AHRR: variants seen among roughly 807,000 people sequenced by gnomAD.
AHRR encodes aryl hydrocarbon receptor repressor.
Under a neutral mutation model 44.0 loss-of-function variants are expected in AHRR, and 28 were observed. The observed-to-expected ratio is 0.64, with a 90% CI of 0.47 to 0.87. The LOEUF (loss-of-function observed/expected upper bound fraction) is 0.87. AHRR is among the 40% of genes least tolerant of loss of function. AHRR has a pLI of 0.00. For synonymous variants in AHRR, 434 were observed against 407.0 expected (o/e 1.07, Z -0.80); for missense variants, 990 against 953.9 (o/e 1.04, Z -0.50).
rs1735479326 is a variant in AHRR, at chr5:411,885, T to C, written c.352-1459T>C. On this transcript the variant is annotated intron_variant, in intron 4 of 10. Transcript: ENST00000684583. The surrounding 1 kb of genome is among the most constrained non-coding windows in gnomAD (Gnocchi z 4.2). ...CCCCTCACCCCCAGCTTCTACCTCGTGTGGGATGTGAGACTGGGCGAGATA... is the reference window on the plus strand; with the variant it reads ...CCCCTCACCCCCAGCTTCTACCTCGCGTGGGATGTGAGACTGGGCGAGATA... 6.6e-6 allele frequency among the ~76,000 whole-genome samples: 1 copy of C among 152,192 alleles called. No individual in the cohort carries two copies. The highest frequency in any genetic ancestry group is 1.5e-5 in the Non-Finnish European group (1 of 68,036).
intron 3 of AHRR, among the ~76,000 whole-genome samples, chr5:368,877 A>C (rs1332302256): frequency 6.6e-6 from 1 of 152,224 alleles, no homozygotes; most frequent in African/African-American, 2.4e-5. Flanking sequence ...GGAAGTGTGA[A>C]ATCTCTGAAG....
intron 4 of AHRR, among the ~76,000 whole-genome samples, chr5:399,689 G>T (rs979861569): frequency 5.9e-5 from 9 of 152,202 alleles, no homozygotes; most frequent in African/African-American, 2.2e-4. Flanking sequence ...AGCACTGGCT[G>T]GTCTCTCAGC....
rs1742189269 is a variant in AHRR at position 337,661 on chromosome 5, G to A, written c.-10-6232G>A. On this transcript the variant is annotated intron_variant, in intron 1 of 10. Transcript: ENST00000684583. The surrounding 1 kb of genome is among the most constrained non-coding windows in gnomAD (Gnocchi z 4.1). Reference sequence around the variant, plus strand: ...ATGTTAGGAAGTCTAGATAGCAACAGTGATGCAGCTATGGAGGGGAGAGGA... The same window carrying A: ...ATGTTAGGAAGTCTAGATAGCAACAATGATGCAGCTATGGAGGGGAGAGGA... Among the ~76,000 whole-genome samples the A allele has an allele frequency of 6.6e-6, 1 of 152,226 alleles. No individual in the cohort carries two copies. The highest frequency in any genetic ancestry group is 6.5e-5 in the Admixed American group (1 of 15,292).
chr5:376,464 G>T (rs1733646278), intron 3 of AHRR, 146 bp from the exon 4 acceptor site: 1 of 14,356 alleles, frequency 7.0e-5, no homozygotes, highest in Non-Finnish European at 6.4e-4. Context: ...ATGCTGCGTG[G>T]CCTGCAGAGG....
chr5:370,753 G>C lies in AHRR; in HGVS notation c.245-5857G>C, dbSNP rs349575. 6.0e-5 allele frequency among the ~76,000 whole-genome samples: 9 copies of C among 150,944 alleles called. No homozygotes were observed. The East Asian group carries it at 1.8e-3, about 30-fold the overall frequency. ...GGTGGAGGGGGGCAGCCCATGGGAA[G>C]GTGCAGGTGTTGGTGGGGGGAGGGG... On this transcript the variant is annotated intron_variant, in intron 3 of 10. Coordinates refer to ENST00000684583, the MANE Select transcript of AHRR (RefSeq NM_001377236.1). This position sits in a 1 kb window ranked among gnomAD's most constrained non-coding sequence, Gnocchi z 4.5.
At chr5:341,505 C>G (rs1203405233) in intron 1 of AHRR, among the ~76,000 whole-genome samples, 5 of 147,254 alleles carry the variant, frequency 3.4e-5, no homozygotes, top group African/African-American at 1.3e-4. Flanking sequence ...CTCCCCTCCC[C>G]TCCTTTCCTT....
intron 7 of AHRR, among the ~76,000 whole-genome samples, chr5:424,861 G>A (rs978006653): frequency 3.9e-5 from 6 of 152,142 alleles, no homozygotes; most frequent in African/African-American, 1.2e-4. Flanking sequence ...CCTCCCCATC[G>A]GACATGTCAG....
rs1173858303 is a variant in AHRR, at chr5:397,124, GT to G, written c.352-16218del. On this transcript the variant is annotated intron_variant, in intron 4 of 10. Coordinates refer to ENST00000684583, the MANE Select transcript of AHRR (RefSeq NM_001377236.1). ...ATCCACGTAGCCCCTGACCATCCAT[GT>G]TAGCCCCTGACCATCCATGTTAGCC... Among the ~76,000 whole-genome samples, 9 of 85,750 alleles carry G rather than the reference GT, an allele frequency of 1.0e-4. 1 individual carries two copies. The highest frequency in any genetic ancestry group is 2.3e-4 in the African/African-American group (2 of 8,550). The allele number at this position is 85,750 out of a possible 152,430, so 56.3% of individuals were successfully genotyped here. A position where few individuals can be genotyped will look rare whatever the true frequency, so the allele number is the denominator to read the frequency against.
rs1734049262 is a variant in AHRR at position 383,117 on chromosome 5, G to A, written c.351+6401G>A. 6.6e-6 allele frequency among the ~76,000 whole-genome samples: 1 copy of A among 152,158 alleles called. No individual in the cohort carries two copies. The highest frequency in any genetic ancestry group is 2.4e-5 in the African/African-American group (1 of 41,436). On this transcript the variant is annotated intron_variant, in intron 4 of 10. Coordinates refer to ENST00000684583, the MANE Select transcript of AHRR (RefSeq NM_001377236.1). This position sits in a 1 kb window ranked among gnomAD's most constrained non-coding sequence, Gnocchi z 4.0. Reference sequence around the variant, plus strand: ...TGAATTCTGGCTCAATTTTGTTATGGTCAGAGAATATACTTTTTAATGATT... The same window carrying A: ...TGAATTCTGGCTCAATTTTGTTATGATCAGAGAATATACTTTTTAATGATT...
Position 427,676 on chromosome 5 carries a change from C to G in AHRR, c.709-131C>G, listed in dbSNP as rs750094472. The G allele has an allele frequency of 6.2e-7, 1 of 1,613,714 alleles. No homozygotes were observed. Among genetic ancestry groups the G allele is most frequent in the Non-Finnish European group, 8.5e-7 (1 of 1,180,008 alleles). Reference sequence around the variant, plus strand: ...GGCTTGGCAGCTGCGGCTCTGCTGTCCCGAGCCACTCATGGTGAGCTGCCT... The same window carrying G: ...GGCTTGGCAGCTGCGGCTCTGCTGTGCCGAGCCACTCATGGTGAGCTGCCT... On this transcript the variant is annotated intron_variant, in intron 7 of 10. Coordinates refer to ENST00000684583, the MANE Select transcript of AHRR (RefSeq NM_001377236.1).
intron 4 of AHRR, among the ~76,000 whole-genome samples, chr5:403,537 GCAGC>G (rs1735116052): frequency 6.6e-6 from 1 of 151,752 alleles, no homozygotes; most frequent in Non-Finnish European, 1.5e-5. Flanking sequence ...TCGGGAGGCT[GCAGC>G]AGGAGAACTG....
At chr5:390,194 A>G (rs1734353375) in intron 4 of AHRR, among the ~76,000 whole-genome samples, 1 of 152,184 alleles carries the variant, frequency 6.6e-6, no homozygotes, top group Non-Finnish European at 1.5e-5. Context: ...AATAACGAAG[A>G]GTGTGATTGG....
chr5:416,754 T>C (rs1341897026), intron 5 of AHRR, among the ~76,000 whole-genome samples: 2 of 152,134 alleles, frequency 1.3e-5, no homozygotes, highest in African/African-American at 2.4e-5. Flanking sequence ...CACTGTGGGG[T>C]GCCGTGAACG....
chr5:359,707 G>A (rs1743107971), intron 3 of AHRR, among the ~76,000 whole-genome samples: 2 of 151,994 alleles, frequency 1.3e-5, no homozygotes, highest in Admixed American at 6.5e-5. Context: ...ACACACACCT[G>A]TGTCCATCCT....
chr5:371,466 C>T (rs1017388768), intron 3 of AHRR, among the ~76,000 whole-genome samples: 10 of 152,230 alleles, frequency 6.6e-5, no homozygotes, highest in Non-Finnish European at 1.3e-4. Flanking sequence ...GTCTCTGGGG[C>T]TCTGAAGTGA....
At chr5:346,466 A>G (rs1284718031) in intron 2 of AHRR, among the ~76,000 whole-genome samples, 1 of 152,194 alleles carries the variant, frequency 6.6e-6, no homozygotes, top group Non-Finnish European at 1.5e-5. Flanking sequence ...AGACGGCCCC[A>G]CCACAGGGAC....
chr5:350,171 A>G (rs1043163958), intron 2 of AHRR, among the ~76,000 whole-genome samples: 1 of 152,248 alleles, frequency 6.6e-6, no homozygotes, highest in Non-Finnish European at 1.5e-5. Flanking sequence ...GGATTTTAAT[A>G]TGATTACATT....
At chr5:428,090 C>T (rs913869524) in intron 8 of AHRR, 84 bp downstream of exon 8, 4 of 1,416,348 alleles carry the variant, frequency 2.8e-6, no homozygotes, top group Non-Finnish European at 3.9e-6. Flanking sequence ...TTTTCTGTGT[C>T]TTCTTTCTTC....
chr5:364,592 C>A (rs546422319), intron 3 of AHRR, among the ~76,000 whole-genome samples: 1 of 150,786 alleles, frequency 6.6e-6, no homozygotes, highest in African/African-American at 2.4e-5. Context: ...TATAATCAAT[C>A]AAAAGGAAAA....
Sources: gnomAD v4.1 joint callset for allele counts (sites outside exome capture counted in the v4.1 genomes callset) on GRCh38, gnomAD v4.1.1 for gene constraint, Gnocchi (gnomAD v3.1) non-coding constraint, MANE v1.5 for transcripts, NCBI Gene and HGNC (gene_info 2026-07-23, HGNC 2026-07-21) for gene names.